HMGN3: variants seen among roughly 807,000 people sequenced by gnomAD.
The protein encoded by HMGN3 is high mobility group nucleosome-binding domain-containing protein 3.
HMGN3 carries 6 observed loss-of-function variants against 18.8 expected under a neutral mutation model. The ratio of observed to expected loss-of-function variants is 0.32; its 90% confidence interval spans 0.18 to 0.63. The LOEUF is 0.63. Among genes scored for constraint, HMGN3 ranks in the 30% least tolerant of loss-of-function variants. The pLI is 0.79. For synonymous variants in HMGN3, 40 were observed against 36.5 expected, an observed-to-expected ratio of 1.10 and a Z score of -0.35; for missense variants, 107 against 114.2, an observed-to-expected ratio of 0.94 and a Z score of 0.29.
chr6:79,201,654 A>T (rs761584191), exon 6 of HMGN3: 4 of 1,368,056 alleles, frequency 2.9e-6, no homozygotes, highest in Non-Finnish European at 4.2e-6. Flanking sequence ...GTCCCAAGAG[A>T]TACATAAAAT....
chr6:79,230,444 C>T (rs1428543646), intron 1 of HMGN3, among the ~76,000 whole-genome samples: 1 of 152,150 alleles, frequency 6.6e-6, no homozygotes, highest in Non-Finnish European at 1.5e-5. Flanking sequence ...AGATTATACT[C>T]AATAAATGTT....
chr6:79,230,116 A>G (rs1777768886), intron 1 of HMGN3, among the ~76,000 whole-genome samples: 1 of 152,258 alleles, frequency 6.6e-6, no homozygotes, highest in Admixed American at 6.5e-5. Context: ...AAAAAGAATG[A>G]TGTACTGATA....
intron 5 of HMGN3, 36 bp downstream of exon 6, chr6:79,202,027 C>T: frequency 2.0e-6 from 3 of 1,528,272 alleles, no homozygotes; most frequent in Non-Finnish European, 2.6e-6. Context: ...ATTCTAGTCA[C>T]TGCAAACATG....
In HMGN3 at chr6:79,206,165, C is replaced by T. The variant is rs1287899982; in HGVS notation, c.96+2382G>A. On this transcript the variant is annotated intron_variant, in intron 3 of 5. Coordinates refer to ENST00000344726, the Ensembl canonical transcript of HMGN3. ...CTGGCAATGCGAAAGAAAAGAAAAT[C>T]CCATTTTCTGAGCTGAGGAGAAATT... is the stretch of plus-strand genomic sequence containing the variant. Among the ~76,000 whole-genome samples the T allele has an allele frequency of 3.9e-5, 6 of 152,276 alleles. No individual in the cohort carries two copies. In the East Asian group the frequency reaches 9.6e-4, roughly 24 times the overall value.
intron 1 of HMGN3, among the ~76,000 whole-genome samples, chr6:79,233,427 TCACA>T (rs1777957249): frequency 6.6e-6 from 1 of 152,224 alleles, no homozygotes; most frequent in Non-Finnish European, 1.5e-5. Context: ...GCAGTCACTC[TCACA>T]CACAAATTAG....
intron 1 of HMGN3, among the ~76,000 whole-genome samples, chr6:79,225,838 C>T (rs1297056358): frequency 6.6e-6 from 1 of 152,130 alleles, no homozygotes; most frequent in Non-Finnish European, 1.5e-5. Context: ...TTACCAAGAA[C>T]AGAACTGCAC....
At chr6:79,206,731 C>G (rs987896660) in intron 3 of HMGN3, among the ~76,000 whole-genome samples, 5 of 152,180 alleles carry the variant, frequency 3.3e-5, no homozygotes. Flanking sequence ...CCTCCAGACC[C>G]CAGAATGGTA....
intron 3 of HMGN3, among the ~76,000 whole-genome samples, chr6:79,204,555 C>G (rs1195421738): frequency 1.3e-5 from 2 of 152,114 alleles, no homozygotes; most frequent in Middle Eastern, 3.2e-3. Flanking sequence ...TCTCATAGAA[C>G]TAGAAAAAAG....
intron 1 of HMGN3, among the ~76,000 whole-genome samples, chr6:79,217,938 G>A (rs1475082230): frequency 6.6e-6 from 1 of 152,226 alleles, no homozygotes; most frequent in Non-Finnish European, 1.5e-5. Context: ...TGCAGGGACT[G>A]CCAAGGCAAA....
chr6:79,223,497 C>T (rs758092320), intron 1 of HMGN3, among the ~76,000 whole-genome samples: 9 of 151,854 alleles, frequency 5.9e-5, no homozygotes, highest in South Asian at 4.2e-4. Flanking sequence ...GGTGACAGAG[C>T]GAGACTCTAT....
chr6:79,227,848 G>A (rs1743567415), intron 1 of HMGN3, among the ~76,000 whole-genome samples: 1 of 152,134 alleles, frequency 6.6e-6, no homozygotes, highest in African/African-American at 2.4e-5. Flanking sequence ...TCATCAATTT[G>A]TTCTACAAAT....
rs1776892796 is a variant in HMGN3, at chr6:79,214,859, T to A, written c.66+113A>T. On this transcript the variant is annotated intron_variant, in intron 2 of 5. Transcript: ENST00000344726. ...TAGTCTTAACAACCTTGATCATTCATATTAAACTTTGTTCATACAATTGTC... is the reference window on the plus strand; with the variant it reads ...TAGTCTTAACAACCTTGATCATTCAAATTAAACTTTGTTCATACAATTGTC... The A allele has an allele frequency of 1.6e-5, 11 of 675,606 alleles. No individual in the cohort carries two copies. The South Asian group carries it at 1.9e-4, about 12-fold the overall frequency. 41.9% of individuals were successfully genotyped at this position (675,606 alleles called of 1,614,324 possible).
chr6:79,207,145 T>C (rs1776460640), intron 3 of HMGN3, among the ~76,000 whole-genome samples: 1 of 152,194 alleles, frequency 6.6e-6, no homozygotes, highest in African/African-American at 2.4e-5. Flanking sequence ...TTTGAGTTAA[T>C]GCTGAAATGA....
intron 2 of HMGN3, among the ~76,000 whole-genome samples, chr6:79,212,583 T>A (rs541548789): frequency 6.6e-6 from 1 of 152,356 alleles, no homozygotes; most frequent in East Asian, 1.9e-4. Context: ...AGTTACTATA[T>A]GGACCAGACA....
At chr6:79,206,442 A>C (rs951630380) in intron 3 of HMGN3, among the ~76,000 whole-genome samples, 15 of 152,128 alleles carry the variant, frequency 9.9e-5, no homozygotes, top group African/African-American at 3.6e-4. Flanking sequence ...TACAGGGGCT[A>C]TTGCTTCAGT....
At chr6:79,233,354 A>T (rs1309736425) in intron 1 of HMGN3, among the ~76,000 whole-genome samples, 4 of 152,220 alleles carry the variant, frequency 2.6e-5, no homozygotes, top group Non-Finnish European at 5.9e-5. Flanking sequence ...CCCAATTTTT[A>T]GTAATAACAT....
intron 1 of HMGN3, among the ~76,000 whole-genome samples, chr6:79,232,806 C>T (rs1777916560): frequency 6.6e-6 from 1 of 152,164 alleles, no homozygotes. Flanking sequence ...CTCCAGCTCA[C>T]TTACTCTGTA....
intron 2 of HMGN3, among the ~76,000 whole-genome samples, chr6:79,209,688 G>GA (rs1776589678): frequency 6.6e-6 from 1 of 152,212 alleles, no homozygotes; most frequent in South Asian, 2.1e-4. Context: ...TAATTATGAG[G>GA]AATCATGGAA....
chr6:79,202,328 GC>G lies in HMGN3; in HGVS notation c.208del (p.Ala70LeufsTer25). 2 of 1,614,110 alleles carry G rather than the reference GC, an allele frequency of 1.2e-6. No homozygotes were observed. The highest frequency in any genetic ancestry group is 1.7e-6 in the Non-Finnish European group (2 of 1,180,014). On this transcript the variant is annotated frameshift_variant, in exon 5 of 6. Coordinates refer to ENST00000344726, the Ensembl canonical transcript of HMGN3. LOFTEE classifies it high-confidence loss of function. ...AGATGGTGCAGTACCTTCCTTTCCA[GC>G]TTCCTGCTTTTCCTCCTTCTTCCCT...
Sources: gnomAD v4.1 joint callset for allele counts (sites outside exome capture counted in the v4.1 genomes callset) on GRCh38, gnomAD v4.1.1 for gene constraint, MANE v1.5 for transcripts, NCBI Gene and HGNC (gene_info 2026-07-23, HGNC 2026-07-21) for gene names.